ANKRD6: variants seen among roughly 807,000 people sequenced by gnomAD.
ANKRD6 encodes the protein ankyrin repeat domain-containing protein 6.
A neutral mutation model predicts 82.3 loss-of-function variants in ANKRD6; 56 were observed. The observed-to-expected ratio is 0.68, with a 90% CI of 0.55 to 0.85. ANKRD6 has a LOEUF of 0.85. Ranked by LOEUF, ANKRD6 falls within the 40% of genes least tolerant of loss-of-function variation. The pLI, the probability that ANKRD6 is intolerant of heterozygous loss-of-function variation, is 0.00. For missense variants in ANKRD6, 852 were observed against 907.6 expected (o/e 0.94, Z 0.79); for synonymous variants, 347 against 352.1 (o/e 0.99, Z 0.16).
intron 1 of ANKRD6, among the ~76,000 whole-genome samples, chr6:89,464,172 G>C (rs1363259806): frequency 2.0e-5 from 3 of 151,950 alleles, no homozygotes; most frequent in Admixed American, 2.0e-4. Context: ...TCCTTGTTTT[G>C]TAATAAGTTA....
Position 89,582,053 on chromosome 6 carries a change from A to G in ANKRD6, c.121-13863A>G, listed in dbSNP as rs111661380. Among the ~76,000 whole-genome samples, 1,339 of 152,326 alleles carry G rather than the reference A, an allele frequency of 8.8e-3. 26 individuals are homozygous for G. Among genetic ancestry groups the G allele is most frequent in the African/African-American group, 0.031 (1,293 of 41,574 alleles). The stretch of plus-strand genomic sequence containing the variant: ...CTTAGGCTTTTGTAGTTTATCATCA[A>G]AAATCTCTGGGGAAGATTAACATAT... On this transcript the variant is annotated intron_variant, in intron 2 of 15. Coordinates refer to ENST00000339746, the MANE Select transcript of ANKRD6 (RefSeq NM_001242809.2).
chr6:89,434,887 T>C (rs980981213), intron 1 of ANKRD6, among the ~76,000 whole-genome samples: 1 of 152,070 alleles, frequency 6.6e-6, no homozygotes, highest in Non-Finnish European at 1.5e-5. Flanking sequence ...ATACTGGACA[T>C]GGGGGAAGGG....
At chr6:89,519,233 C>T (rs1432664837) in intron 1 of ANKRD6, among the ~76,000 whole-genome samples, 3 of 152,166 alleles carry the variant, frequency 2.0e-5, no homozygotes, top group Non-Finnish European at 2.9e-5. Flanking sequence ...CTGTAATTTA[C>T]AGATTGAGAA....
Position 89,632,665 on chromosome 6 carries a change from G to A in ANKRD6, c.*1661G>A, listed in dbSNP as rs1807638725. ...CAAGTTGATTTTCATGTGTTTGGGA[G>A]CTTGTCTTGTTCTCAACTACTACGC... On this transcript the variant is annotated 3_prime_UTR_variant, in exon 16 of 16. Coordinates refer to ENST00000339746, the MANE Select transcript of ANKRD6 (RefSeq NM_001242809.2). 6.6e-6 allele frequency: 1 copy of A among 152,188 alleles called. No individual in the cohort carries two copies. The highest frequency in any genetic ancestry group is 2.1e-4 in the South Asian group (1 of 4,834). 9.4% of individuals were successfully genotyped at this position (152,188 alleles called of 1,614,324 possible).
chr6:89,616,674 C>T lies in ANKRD6; in HGVS notation c.714+17C>T, dbSNP rs1801665725. The T allele has an allele frequency of 6.2e-7, 1 of 1,612,374 alleles. No homozygotes were observed. Among genetic ancestry groups the T allele is most frequent in the Non-Finnish European group, 8.5e-7 (1 of 1,178,508 alleles). ...GTTAACAATGTAAGTTGAGTTGCAA[C>T]ATTGCTTTCTAAAGTGGTTCCCACC... is the stretch of plus-strand genomic sequence containing the variant. On this transcript the variant is annotated intron_variant, in intron 8 of 15. Transcript: ENST00000339746.
In ANKRD6 at chr6:89,617,929, C is replaced by T. The variant is rs768210085; in HGVS notation, c.715-25C>T. ...GTGTGGGACCCGTGGCCCTTTCTCA[C>T]CTGTCCTACTCTGCCTCTCCTCAGG... On this transcript the variant is annotated intron_variant, in intron 8 of 15. Coordinates refer to ENST00000339746, the MANE Select transcript of ANKRD6 (RefSeq NM_001242809.2). 7 of 1,612,300 alleles carry T rather than the reference C, an allele frequency of 4.3e-6. No homozygotes were observed. In the East Asian group the frequency reaches 8.9e-5, roughly 21 times the overall value.
intron 4 of ANKRD6, 111 bp from the exon 5 acceptor site, chr6:89,605,896 A>G (rs1798445695): frequency 6.0e-6 from 4 of 662,534 alleles, no homozygotes; most frequent in Admixed American, 3.1e-5. Context: ...AGAAAGTCCA[A>G]TTGAGAAAGG....
chr6:89,447,479 C>T (rs1200079417), intron 1 of ANKRD6, among the ~76,000 whole-genome samples: 2 of 152,146 alleles, frequency 1.3e-5, no homozygotes, highest in African/African-American at 4.8e-5. Context: ...CTGAAGCTAG[C>T]AGAGATTGGT....
chr6:89,512,581 A>T (rs1302408459), intron 1 of ANKRD6, among the ~76,000 whole-genome samples: 1 of 152,194 alleles, frequency 6.6e-6, no homozygotes, highest in East Asian at 1.9e-4. Flanking sequence ...GGGTGGGCAC[A>T]AGGAGCAGCA....
intron 1 of ANKRD6, among the ~76,000 whole-genome samples, chr6:89,555,038 C>G (rs1481747141): frequency 2.6e-5 from 3 of 116,086 alleles, no homozygotes; most frequent in Non-Finnish European, 3.6e-5. Flanking sequence ...TCCCTCCCCG[C>G]TTTCTCTCCA....
chr6:89,452,153 C>G lies in ANKRD6; in HGVS notation c.-144+18778C>G, dbSNP rs144655551. Among the ~76,000 whole-genome samples, 347 of 152,296 alleles carry G rather than the reference C, an allele frequency of 2.3e-3. 1 individual carries two copies. Among genetic ancestry groups the G allele is most frequent in the African/African-American group, 8.1e-3 (336 of 41,556 alleles). On this transcript the variant is annotated intron_variant, in intron 1 of 15. Transcript: ENST00000339746. The stretch of plus-strand genomic sequence containing the variant: ...TATGATTGCATCACTGCACTCCAAC[C>G]TGGTCCACAGAGTGAGGCCCTGTCT...
chr6:89,493,300 A>T, intron 1 of ANKRD6, among the ~76,000 whole-genome samples: 1 of 151,742 alleles, frequency 6.6e-6, no homozygotes, highest in Non-Finnish European at 1.5e-5. Context: ...GATTGTATGT[A>T]TTTCTTGGCT....
chr6:89,509,437 A>G (rs761069709), intron 1 of ANKRD6, among the ~76,000 whole-genome samples: 18 of 152,184 alleles, frequency 1.2e-4, no homozygotes, highest in Non-Finnish European at 2.1e-4. Context: ...TAAAGATAAG[A>G]AAGAAACATG....
intron 1 of ANKRD6, among the ~76,000 whole-genome samples, chr6:89,442,943 C>G (rs1327934417): frequency 6.6e-6 from 1 of 152,116 alleles, no homozygotes; most frequent in Non-Finnish European, 1.5e-5. Flanking sequence ...GGGGTAAGAT[C>G]TAGTTATGTT....
At position 89,458,444 on chromosome 6, in the gene ANKRD6, C is replaced by A. The variant is rs1042142523; in HGVS notation, c.-144+25069C>A. Among the ~76,000 whole-genome samples, 6 of 152,184 alleles carry A rather than the reference C, an allele frequency of 3.9e-5. No individual in the cohort carries two copies. The East Asian group carries it at 1.2e-3, about 29-fold the overall frequency. Reference sequence around the variant, plus strand: ...AAGCCAGTGGTGGATCAGTCCAAATCCCAAAACCTCAAAAGTAGGGAAGTT... The same window carrying A: ...AAGCCAGTGGTGGATCAGTCCAAATACCAAAACCTCAAAAGTAGGGAAGTT... On this transcript the variant is annotated intron_variant, in intron 1 of 15. Transcript: ENST00000339746.
chr6:89,547,035 C>T (rs1220346887), intron 1 of ANKRD6, among the ~76,000 whole-genome samples: 2 of 151,926 alleles, frequency 1.3e-5, no homozygotes, highest in African/African-American at 2.4e-5. Context: ...GATCACGGCT[C>T]ATTGCAGCCA....
intron 1 of ANKRD6, among the ~76,000 whole-genome samples, chr6:89,459,854 C>A (rs1261087475): frequency 6.6e-6 from 1 of 152,014 alleles, no homozygotes; most frequent in Non-Finnish European, 1.5e-5. Context: ...ACGTATCAGG[C>A]TCTATCTTCT....
At chr6:89,524,314 CCT>C (rs1338026928) in intron 1 of ANKRD6, among the ~76,000 whole-genome samples, 2 of 152,130 alleles carry the variant, frequency 1.3e-5, no homozygotes, top group Non-Finnish European at 2.9e-5. Context: ...CCCACCTTCC[CCT>C]GAGTCCCCAA....
chr6:89,468,697 A>C (rs1360728153), intron 1 of ANKRD6, among the ~76,000 whole-genome samples: 1 of 150,882 alleles, frequency 6.6e-6, no homozygotes, highest in East Asian at 1.9e-4. Context: ...AGGGTTGGAC[A>C]CCTGCGGATA....
Sources: allele counts gnomAD v4.1 joint callset (sites outside exome capture counted in the v4.1 genomes callset), GRCh38; gene constraint gnomAD v4.1.1; transcripts MANE v1.5; gene names NCBI Gene and HGNC (gene_info 2026-07-23, HGNC 2026-07-21).